The following ABCA10 variants were observed in gnomAD, a reference collection of about 807,000 sequenced individuals.
ABCA10 encodes ATP-binding cassette sub-family A member 10.
Under a neutral mutation model 187.5 loss-of-function variants are expected in ABCA10, and 169 were observed. The observed-to-expected ratio is 0.90, with a 90% confidence interval of 0.80 to 1.02. The LOEUF (loss-of-function observed/expected upper bound fraction) is 1.02. ABCA10 is among the 50% of genes least tolerant of loss of function. The pLI, the probability that ABCA10 is intolerant of heterozygous loss-of-function variation, is 0.00. For missense variants in ABCA10, 1,727 were observed against 1,812.4 expected (o/e 0.95, Z 0.86); for synonymous variants, 574 against 601.8 (o/e 0.95, Z 0.68).
At chr17:69,225,224 A>C (rs1260733465) in intron 3 of ABCA10, 101 bp downstream of exon 3, 1 of 1,337,882 alleles carries the variant, frequency 7.5e-7, no homozygotes, top group Non-Finnish European at 1.1e-6. Context: ...GCCTCAGTTG[A>C]GAATCACTGA....
At chr17:69,171,060 T>C (rs1226268863) in intron 25 of ABCA10, among the ~76,000 whole-genome samples, 2 of 152,168 alleles carry the variant, frequency 1.3e-5, no homozygotes, top group African/African-American at 2.4e-5. Context: ...TGAAAATCTT[T>C]TGGGGATGAA....
intron 27 of ABCA10, among the ~76,000 whole-genome samples, chr17:69,163,612 G>T (rs2074234671): frequency 6.6e-6 from 1 of 152,158 alleles, no homozygotes; most frequent in Non-Finnish European, 1.5e-5. Flanking sequence ...CAAGAGGTGT[G>T]CAAACAAGAG....
chr17:69,210,973 A>C (rs918877592), intron 9 of ABCA10, among the ~76,000 whole-genome samples: 1 of 151,348 alleles, frequency 6.6e-6, no homozygotes, highest in African/African-American at 2.4e-5. Flanking sequence ...AAAAATCAAA[A>C]AAGAATAGAT....
chr17:69,149,133 C>A, intron 37 of ABCA10, 45 bp from the exon 38 acceptor site: 1 of 1,603,626 alleles, frequency 6.2e-7, no homozygotes, highest in Non-Finnish European at 8.5e-7. Context: ...TATTTTTCAC[C>A]AAGTGTTTGT....
chr17:69,171,059 T>C (rs1221259682), intron 25 of ABCA10, among the ~76,000 whole-genome samples: 1 of 152,178 alleles, frequency 6.6e-6, no homozygotes, highest in African/African-American at 2.4e-5. Flanking sequence ...GTGAAAATCT[T>C]TTGGGGATGA....
chr17:69,228,839 T>A (rs2074812959), upstream of ABCA10: 1 of 152,040 alleles, frequency 6.6e-6, no homozygotes, highest in African/African-American at 2.4e-5. Context: ...GCTGAGCGCA[T>A]CATTGGTATT....
At chr17:69,167,626 T>A (rs921708863) in intron 25 of ABCA10, among the ~76,000 whole-genome samples, 4 of 152,030 alleles carry the variant, frequency 2.6e-5, no homozygotes, top group Admixed American at 2.0e-4. Flanking sequence ...ACAAGACAAT[T>A]TGATGGAAAG....
intron 22 of ABCA10, among the ~76,000 whole-genome samples, chr17:69,181,629 T>C (rs1382497384): frequency 6.6e-6 from 1 of 151,984 alleles, no homozygotes; most frequent in Admixed American, 6.6e-5. Context: ...TAATTATATA[T>C]TTAAATTTTT....
At chr17:69,190,055 G>A (rs892770868) in intron 18 of ABCA10, among the ~76,000 whole-genome samples, 1 of 152,140 alleles carries the variant, frequency 6.6e-6, no homozygotes, top group Non-Finnish European at 1.5e-5. Flanking sequence ...CATCGCTATA[G>A]CAGAGAGCTT....
chr17:69,195,557 T>TTTTTC, intron 11 of ABCA10, among the ~76,000 whole-genome samples: 1 of 142,360 alleles, frequency 7.0e-6, no homozygotes, highest in African/African-American at 2.6e-5. Context: ...AGTTTTTCTT[T>TTTTTC]TTTTTTTTTT....
At chr17:69,193,407 T>C in intron 14 of ABCA10, 86 bp downstream of exon 14, 1 of 1,522,782 alleles carries the variant, frequency 6.6e-7, no homozygotes, top group Non-Finnish European at 8.8e-7. Flanking sequence ...CCCTCACATT[T>C]GGTAATTACA....
In ABCA10 at chr17:69,164,085, T is replaced by C. The variant is rs765187183; in HGVS notation, c.3352A>G (p.Thr1118Ala). The C allele has an allele frequency of 1.9e-6, 3 of 1,579,600 alleles. No homozygotes were observed. The highest frequency in any genetic ancestry group is 1.7e-6 in the Non-Finnish European group (2 of 1,167,426). Reference sequence around the variant, plus strand: ...AAAATGTTCCTTACTATTAAGGTTGTTAAAAGAATGGTTTTATTGACTTCA... The same window carrying C: ...AAAATGTTCCTTACTATTAAGGTTGCTAAAAGAATGGTTTTATTGACTTCA... ...INEVNKTILL[T>A]TLIPYLQSVI... The change falls in exon 27 of 39, where the codon ACA becomes GCA. Residue 1118 changes from threonine (T) to alanine (A), a missense_variant. Thr to Ala is a moderately conservative substitution (Grantham distance 58, BLOSUM62 0). Transcript: ENST00000690296.
At chr17:69,234,525 G>A (rs1938989319) in intron 1 of ABCA10, 1 of 152,212 alleles carries the variant, frequency 6.6e-6, no homozygotes, top group Non-Finnish European at 1.5e-5. Flanking sequence ...CAGCCACTAG[G>A]GTGCTAGTCT....
At chr17:69,202,979 A>C (rs1349048396) in intron 9 of ABCA10, among the ~76,000 whole-genome samples, 1 of 152,206 alleles carries the variant, frequency 6.6e-6, no homozygotes, top group Non-Finnish European at 1.5e-5. Flanking sequence ...GCTGTTACTG[A>C]AAGCTAATAT....
rs2074660435 is a variant in ABCA10 at position 69,211,610 on chromosome 17, G to A, written c.1006+3094C>T. On this transcript the variant is annotated intron_variant, in intron 9 of 38. Coordinates refer to ENST00000690296, the MANE Select transcript of ABCA10 (RefSeq NM_001377321.1). The stretch of plus-strand genomic sequence containing the variant: ...TTCAGCTATGAATCCATCTGTTCCT[G>A]GACTCTTTGGGGGCGGGGGGGAATA... 2.6e-5 allele frequency among the ~76,000 whole-genome samples: 4 copies of A among 151,270 alleles called. No homozygotes were observed. In the South Asian group the frequency reaches 8.4e-4, roughly 32 times the overall value.
rs1182124894 is a variant in ABCA10 at position 69,154,300 on chromosome 17, T to A, written c.3721A>T (p.Asn1241Tyr). The A allele has an allele frequency of 2.5e-6, 4 of 1,609,526 alleles. No individual in the cohort carries two copies. The South Asian group carries it at 4.4e-5, about 18-fold the overall frequency. Residue 1241 changes from asparagine (N) to tyrosine (Y), a missense_variant, in exon 31 of 39, where the codon AAT becomes TAT. Transcript: ENST00000690296. The stretch of plus-strand genomic sequence containing the variant: ...ATGGAAGTACTTTTACCAGCTCCAT[T>A]GTGTCCTAGTAATCCCAAAACTTCA... ...KGEVLGLLGHNGAGKSTSIKM... is the reference protein window; with the variant it reads ...KGEVLGLLGHYGAGKSTSIKM...
chr17:69,160,620 CA>C (rs1018413772), intron 27 of ABCA10, among the ~76,000 whole-genome samples: 2 of 151,342 alleles, frequency 1.3e-5, no homozygotes, highest in Non-Finnish European at 3.0e-5. Flanking sequence ...AACAAACAAA[CA>C]AAAAAACCAA....
chr17:69,213,751 TCAACCCCCTAAC>T (rs2074678927), intron 9 of ABCA10, among the ~76,000 whole-genome samples: 1 of 152,164 alleles, frequency 6.6e-6, no homozygotes, highest in Non-Finnish European at 1.5e-5. Flanking sequence ...CATTTCCTGT[TCAACCCCCTAAC>T]CAACCCCCAC....
intron 9 of ABCA10, among the ~76,000 whole-genome samples, chr17:69,212,198 A>G (rs2074666214): frequency 6.6e-6 from 1 of 152,320 alleles, no homozygotes; most frequent in South Asian, 2.1e-4. Context: ...TTAGGTTGAA[A>G]GAATTTTTAA....
Sources: allele counts gnomAD v4.1 joint callset (sites outside exome capture counted in the v4.1 genomes callset), GRCh38; gene constraint gnomAD v4.1.1; transcripts MANE v1.5; gene names NCBI Gene and HGNC (gene_info 2026-07-23, HGNC 2026-07-21).